SEPTIN5: variants seen among roughly 807,000 people sequenced by gnomAD.
SEPTIN5 encodes the protein septin-5.
SEPTIN5 carries 16 observed loss-of-function variants against 51.2 expected under a neutral mutation model. The observed-to-expected ratio is 0.31, with a 90% CI of 0.21 to 0.47. SEPTIN5 has a LOEUF of 0.47. Among genes scored for constraint, SEPTIN5 ranks in the 20% least tolerant of loss-of-function variants. The pLI is 0.99. For missense variants in SEPTIN5, 376 were observed against 500.3 expected, an observed-to-expected ratio of 0.75 and a Z score of 2.37; for synonymous variants, 208 against 191.2, an observed-to-expected ratio of 1.09 and a Z score of -0.72.
At chr22:19,722,214 A>AACACCCCCC in intron 10 of SEPTIN5, 23 bp from the exon 11 acceptor site, 1 of 903,762 alleles carries the variant, frequency 1.1e-6, no homozygotes, top group Non-Finnish European at 1.7e-6. Context: ...CGCCCCGCCC[A>AACACCCCCC]TCCTCCCCCC....
chr22:19,715,843 G>A (rs2145784919), intron 2 of SEPTIN5, among the ~76,000 whole-genome samples: 1 of 152,334 alleles, frequency 6.6e-6, no homozygotes, highest in Non-Finnish European at 1.5e-5. Context: ...GCCCCTTGGG[G>A]AGCCAGGCTG....
chr22:19,719,525 C>G (rs1935981789), intron 2 of SEPTIN5, 77 bp from the exon 3 acceptor site: 2 of 1,203,130 alleles, frequency 1.7e-6, no homozygotes, highest in Non-Finnish European at 2.4e-6. Context: ...TCTCCTCATA[C>G]CGCATTTGGT....
chr22:19,720,459 G>T lies in SEPTIN5; in HGVS notation c.497+5G>T. 1.2e-6 allele frequency: 2 copies of T among 1,613,582 alleles called. No homozygotes were observed. Among genetic ancestry groups the T allele is most frequent in the South Asian group, 2.2e-5 (2 of 91,092 alleles). The stretch of plus-strand genomic sequence containing the variant: ...CATCTCCCCCTTCGGGCATGGGTGT[G>T]TGGCTGTCCTGGGGCCAGGCTCGGG... On this transcript the variant is annotated splice_donor_5th_base_variant and intron_variant, in intron 6 of 11. Transcript: ENST00000455784.
At chr22:19,717,467 G>C (rs945666995) in intron 2 of SEPTIN5, 1 of 407,566 alleles carries the variant, frequency 2.5e-6, no homozygotes, top group Non-Finnish European at 5.1e-6. Flanking sequence ...CAGAGGGCAA[G>C]GGAATGTCCA....
In SEPTIN5 at chr22:19,719,908, G is replaced by A; in HGVS notation, c.238+16G>A. The A allele has an allele frequency of 1.2e-6, 2 of 1,612,050 alleles. No homozygotes were observed. Among genetic ancestry groups the A allele is most frequent in the Non-Finnish European group, 1.7e-6 (2 of 1,179,736 alleles). ...AGTGCTGAGGGTGAGTGGCCCCCAG[G>A]AGGCCCTGGCACTGATCCCCAGTCC... On this transcript the variant is annotated intron_variant, in intron 4 of 11. Coordinates refer to ENST00000455784, the MANE Select transcript of SEPTIN5 (RefSeq NM_002688.6).
At chr22:19,719,343 C>T (rs926759288) in intron 2 of SEPTIN5, 1 of 441,410 alleles carries the variant, frequency 2.3e-6, no homozygotes, top group African/African-American at 2.0e-5. Context: ...GACATCTCCC[C>T]ACGGAATAAA....
chr22:19,714,852 C>G lies in SEPTIN5; in HGVS notation c.54+61C>G. The stretch of plus-strand genomic sequence containing the variant: ...CGGCCGGCTGTCACCCATTGTGACA[C>G]TAGCGCCTTGGGCGCCCAGGCGCGA... On this transcript the variant is annotated intron_variant, in intron 2 of 11. Transcript: ENST00000455784. The surrounding 1 kb of genome is among the most constrained non-coding windows in gnomAD (Gnocchi z 5.2). 1 of 1,571,212 alleles carries G rather than the reference C, an allele frequency of 6.4e-7. No individual in the cohort carries two copies. The highest frequency in any genetic ancestry group is 1.7e-5 in the Admixed American group (1 of 57,216).
intron 2 of SEPTIN5, among the ~76,000 whole-genome samples, chr22:19,716,302 G>C (rs548912787): frequency 6.6e-6 from 1 of 152,228 alleles, no homozygotes; most frequent in Non-Finnish European, 1.5e-5. Flanking sequence ...TGCTACCACC[G>C]TTGCTGAGCC....
chr22:19,719,533 G>T (rs971377816), intron 2 of SEPTIN5, 69 bp from the exon 3 acceptor site: 16 of 1,279,236 alleles, frequency 1.3e-5, no homozygotes, highest in Non-Finnish European at 1.4e-5. Flanking sequence ...TACCGCATTT[G>T]GTAAGAGACA....
In SEPTIN5 at chr22:19,723,270, T is replaced by C. The variant is rs1936090065; in HGVS notation, c.*786T>C. On this transcript the variant is annotated 3_prime_UTR_variant, in exon 12 of 12. Transcript: ENST00000455784. ...CACGATGCTCCGTTTTCTTCCGTTGTGAATGCCGCGTCCTGTCCTGGTGAC... is the reference window on the plus strand; with the variant it reads ...CACGATGCTCCGTTTTCTTCCGTTGCGAATGCCGCGTCCTGTCCTGGTGAC... The C allele has an allele frequency of 1.5e-6, 1 of 686,704 alleles. No homozygotes were observed. The highest frequency in any genetic ancestry group is 1.8e-5 in the African/African-American group (1 of 57,006). 42.5% of individuals were successfully genotyped at this position (686,704 alleles called of 1,614,324 possible). A position where few individuals can be genotyped will look rare whatever the true frequency, so the allele number is the denominator to read the frequency against.
At position 19,719,689 on chromosome 22, in the gene SEPTIN5, A is replaced by T. The variant is rs145898478; in HGVS notation, c.142A>T (p.Met48Leu). ...SVKKGFDFTL[M>L]VAGESGLGKS... ...GAAGAAAGGCTTTGACTTCACACTC[A>T]TGGTGGCTGGTGAGTGGGCCAGGCT... The change falls in exon 3 of 12, where the codon ATG becomes TTG. Residue 48 changes from methionine to leucine, a missense_variant. By Grantham distance (15) the Met-to-Leu change is conservative. This residue lies in a region of SEPTIN5 where 287 missense variants were observed against 417.1 expected (regional missense o/e 0.69). Transcript: ENST00000455784. 6.2e-7 allele frequency: 1 copy of T among 1,612,886 alleles called. No individual in the cohort carries two copies. Among genetic ancestry groups the T allele is most frequent in the South Asian group, 1.1e-5 (1 of 91,082 alleles).
At position 19,720,672 on chromosome 22, in the gene SEPTIN5, C is replaced by A. The variant is rs369152694; in HGVS notation, c.615+6C>A. ...TCCGGAAGCTGAAGGAGCGGGTGAG[C>A]CTGCCGTCGCACAGGGGCCTGGCCA... On this transcript the variant is annotated splice_donor_region_variant and intron_variant, in intron 7 of 11. Transcript: ENST00000455784. 4 of 1,612,874 alleles carry A rather than the reference C, an allele frequency of 2.5e-6. No individual in the cohort carries two copies. The highest frequency in any genetic ancestry group is 1.7e-5 in the Admixed American group (1 of 60,028).
intron 9 of SEPTIN5, 22 bp downstream of exon 9, chr22:19,721,758 C>T (rs1936038777): frequency 6.2e-7 from 1 of 1,601,814 alleles, no homozygotes; most frequent in Non-Finnish European, 8.5e-7. Flanking sequence ...CTTGGGGTAC[C>T]AGGTCTGGTG....
rs760607911 is a variant in SEPTIN5 at position 19,721,675 on chromosome 22, G to A, written c.753G>A (p.Thr251=). 62 of 1,612,644 alleles carry A rather than the reference G, an allele frequency of 3.8e-5. No individual in the cohort carries two copies. The highest frequency in any genetic ancestry group is 5.2e-5 in the Non-Finnish European group (61 of 1,179,736). Residue 251 remains threonine (T), a synonymous_variant, in exon 9 of 12, where the codon ACG becomes ACA. Transcript: ENST00000455784. ...SAPFAVIGSN[T]VVEAKGQRVR... is the part of the protein sequence containing the mutation. ...CCTTCGCCGTTATAGGCAGCAACAC[G>A]GTGGTGGAGGCCAAGGGGCAGCGGG...
chr22:19,719,425 C>T, intron 2 of SEPTIN5, 177 bp from the exon 3 acceptor site: 2 of 588,556 alleles, frequency 3.4e-6, no homozygotes, highest in South Asian at 4.2e-5. Context: ...ACCACCTCGC[C>T]TGCCTTCTTA....
In SEPTIN5 at chr22:19,714,971, G is replaced by A. The variant is rs1239810027; in HGVS notation, c.54+180G>A. Among the ~76,000 whole-genome samples the A allele has an allele frequency of 6.6e-6, 1 of 152,194 alleles. No homozygotes were observed. Among genetic ancestry groups the A allele is most frequent in the Non-Finnish European group, 1.5e-5 (1 of 68,020 alleles). On this transcript the variant is annotated intron_variant, in intron 2 of 11. Coordinates refer to ENST00000455784, the MANE Select transcript of SEPTIN5 (RefSeq NM_002688.6). This position sits in a 1 kb window ranked among gnomAD's most constrained non-coding sequence, Gnocchi z 5.2. ...GCCTGGGGCTTCAGAGGAGAGGAGT[G>A]GGGGCCCTGGTCCCCGGACCCGCAC...
chr22:19,719,095 G>A, intron 2 of SEPTIN5: 1 of 326,672 alleles, frequency 3.1e-6, no homozygotes, highest in Non-Finnish European at 5.5e-6. Context: ...GCGCGGGCGG[G>A]GGAGGCTCGG....
At chr22:19,721,521 G>C (rs1324470676) in intron 8 of SEPTIN5, 119 bp from the exon 9 acceptor site, 2 of 1,092,676 alleles carry the variant, frequency 1.8e-6, no homozygotes, top group Non-Finnish European at 2.7e-6. Flanking sequence ...GGATCTCTTT[G>C]AGGAGAGATA....
chr22:19,714,993 G>A lies in SEPTIN5; in HGVS notation c.54+202G>A, dbSNP rs1935894164. 6.6e-6 allele frequency among the ~76,000 whole-genome samples: 1 copy of A among 152,248 alleles called. No homozygotes were observed. The highest frequency in any genetic ancestry group is 6.5e-5 in the Admixed American group (1 of 15,290). ...AGTGGGGGCCCTGGTCCCCGGACCC[G>A]CACAGCAGGGACCCTGCGCCCCTCC... On this transcript the variant is annotated intron_variant, in intron 2 of 11. Coordinates refer to ENST00000455784, the MANE Select transcript of SEPTIN5 (RefSeq NM_002688.6). The surrounding 1 kb of genome is among the most constrained non-coding windows in gnomAD (Gnocchi z 5.2).
Sources: allele counts gnomAD v4.1 joint callset (sites outside exome capture counted in the v4.1 genomes callset), GRCh38; gene constraint gnomAD v4.1.1; regional missense constraint gnomAD v4.1.1; non-coding constraint Gnocchi (gnomAD v3.1); transcripts MANE v1.5; gene names NCBI Gene and HGNC (gene_info 2026-07-23, HGNC 2026-07-21).